NOX4: variants seen among roughly 807,000 people sequenced by gnomAD.
The protein encoded by NOX4 is kidney oxidase-1.
A neutral mutation model predicts 87.6 loss-of-function variants in NOX4; 69 were observed. That is an observed-to-expected ratio of 0.79 (90% CI 0.65 to 0.96). The LOEUF (loss-of-function observed/expected upper bound fraction) is 0.96, where lower values mean the gene tolerates loss of function less well. Ranked by LOEUF, NOX4 falls within the 40% of genes least tolerant of loss-of-function variation. The pLI, the probability that NOX4 is intolerant of heterozygous loss-of-function variation, is 0.00. For missense variants in NOX4, 680 were observed against 681.5 expected (o/e 1.00, Z 0.02); for synonymous variants, 275 against 238.2 (o/e 1.15, Z -1.42).
At chr11:89,380,553 A>C (rs963238197) in intron 11 of NOX4, among the ~76,000 whole-genome samples, 3 of 152,180 alleles carry the variant, frequency 2.0e-5, no homozygotes, top group African/African-American at 7.2e-5. Context: ...TTTGGTACTT[A>C]GGTAAAAACA....
At chr11:89,418,250 A>G (rs1227258583) in intron 8 of NOX4, among the ~76,000 whole-genome samples, 1 of 151,574 alleles carries the variant, frequency 6.6e-6, no homozygotes, top group Non-Finnish European at 1.5e-5. Flanking sequence ...GTTTGGTGTA[A>G]GTTTTAAAAG....
chr11:89,502,252 C>T (rs1475886897), upstream of NOX4, among the ~76,000 whole-genome samples: 2 of 151,968 alleles, frequency 1.3e-5, no homozygotes, highest in African/African-American at 4.8e-5. Context: ...CTAATAGAAC[C>T]CCACGAGTCT....
At chr11:89,537,560 T>C in the NOX4 span, among the ~76,000 whole-genome samples, 6 of 152,156 alleles carry the variant, frequency 3.9e-5, no homozygotes, top group South Asian at 2.1e-4. Context: ...TATCATAAGA[T>C]AGTTAAATTT....
At chr11:89,497,416 A>G (rs1342324684) in intron 1 of NOX4, among the ~76,000 whole-genome samples, 9 of 148,222 alleles carry the variant, frequency 6.1e-5, no homozygotes, top group Non-Finnish European at 1.3e-4. Context: ...AGTCTCACTC[A>G]CTTTCTGAAT....
upstream of NOX4, among the ~76,000 whole-genome samples, chr11:89,500,290 C>G (rs1351553760): frequency 2.0e-5 from 3 of 152,142 alleles, no homozygotes; most frequent in Non-Finnish European, 2.9e-5. Flanking sequence ...TTGATTCAGT[C>G]TCCTACAGAA....
At chr11:89,527,699 T>C in the NOX4 span, among the ~76,000 whole-genome samples, 1 of 152,186 alleles carries the variant, frequency 6.6e-6, no homozygotes, top group African/African-American at 2.4e-5. Context: ...CAAGAATTGA[T>C]GTTTGGGAAC....
At chr11:89,482,569 C>T (rs1946432822) in intron 2 of NOX4, among the ~76,000 whole-genome samples, 1 of 151,946 alleles carries the variant, frequency 6.6e-6, no homozygotes, top group Non-Finnish European at 1.5e-5. Flanking sequence ...AGAAACCAAC[C>T]CTGCTGACAC....
chr11:89,325,713 T>C lies in NOX4; in HGVS notation c.*1043A>G, dbSNP rs1374517654. The C allele has an allele frequency of 6.6e-6, 1 of 152,058 alleles. No individual in the cohort carries two copies. Among genetic ancestry groups the C allele is most frequent in the Non-Finnish European group, 1.5e-5 (1 of 68,020 alleles). 9.4% of individuals were successfully genotyped at this position (152,058 alleles called of 1,614,324 possible). On this transcript the variant is annotated 3_prime_UTR_variant, in exon 18 of 18. Transcript: ENST00000263317. Reference sequence around the variant, plus strand: ...ATAAACCAATGTGTGGCAAAGGAGATAAATCTTATATTCAGTCCCTACTGA... The same window carrying C: ...ATAAACCAATGTGTGGCAAAGGAGACAAATCTTATATTCAGTCCCTACTGA...
Position 89,490,499 on chromosome 11 carries a change from T to A in NOX4, c.112A>T (p.Asn38Tyr). 1 of 1,614,040 alleles carries A rather than the reference T, an allele frequency of 6.2e-7. No homozygotes were observed. The highest frequency in any genetic ancestry group is 1.1e-5 in the South Asian group (1 of 91,084). ...LLFWKTFLLYNQGPEYHYLHQ... is the reference protein window; with the variant it reads ...LLFWKTFLLYYQGPEYHYLHQ... ...AGGTAGTGATACTCTGGCCCTTGGT[T>A]ATACAGCAAGAAGGTTTTCCAGAAA... is the stretch of plus-strand genomic sequence containing the variant. The change falls in exon 2 of 18, where the codon AAC becomes TAC. Residue 38 changes from asparagine to tyrosine, a missense_variant. By Grantham distance (143) the Asn-to-Tyr change is moderately radical (BLOSUM62 -2). Coordinates refer to ENST00000263317, the MANE Select transcript of NOX4 (RefSeq NM_016931.5).
intron 4 of NOX4, among the ~76,000 whole-genome samples, chr11:89,446,069 C>T (rs1306204401): frequency 6.6e-6 from 1 of 151,976 alleles, no homozygotes; most frequent in African/African-American, 2.4e-5. Context: ...TCAATAGATA[C>T]CTCACCAAAG....
In NOX4 at chr11:89,467,841, A is replaced by C. The variant is rs145518402; in HGVS notation, c.154-15946T>G. Among the ~76,000 whole-genome samples, 5 of 152,310 alleles carry C rather than the reference A, an allele frequency of 3.3e-5. No individual in the cohort carries two copies. In the East Asian group the frequency reaches 9.7e-4, roughly 29 times the overall value. ...TTAGTATTTGGCGATGATTATTCTC[A>C]ATGAAGTGTGGACAACAGATGTTAA... On this transcript the variant is annotated intron_variant, in intron 2 of 17. Coordinates refer to ENST00000263317, the MANE Select transcript of NOX4 (RefSeq NM_016931.5).
the NOX4 span, among the ~76,000 whole-genome samples, chr11:89,508,824 AG>A: frequency 6.6e-6 from 1 of 152,080 alleles, no homozygotes; most frequent in Non-Finnish European, 1.5e-5. Context: ...TGAAAGGTGA[AG>A]CCACTTGTCA....
intron 17 of NOX4, among the ~76,000 whole-genome samples, chr11:89,328,272 A>G (rs1476717932): frequency 9.9e-5 from 15 of 152,216 alleles, no homozygotes. Context: ...TCAGAGATCA[A>G]CAGGACAAAT....
At chr11:89,437,783 C>T (rs572160680) in intron 6 of NOX4, among the ~76,000 whole-genome samples, 1 of 152,188 alleles carries the variant, frequency 6.6e-6, no homozygotes, top group Admixed American at 6.6e-5. Flanking sequence ...TTTTTACAGT[C>T]ATCCTTCAAT....
At chr11:89,506,301 A>AAGAGAAAGAG in the NOX4 span, among the ~76,000 whole-genome samples, 24 of 134,362 alleles carry the variant, frequency 1.8e-4, no homozygotes, top group Admixed American at 1.8e-3. Context: ...GAAAGAAAGA[A>AAGAGAAAGAG]AGAGAGAGAA....
At chr11:89,458,637 G>C (rs548671836) in intron 2 of NOX4, among the ~76,000 whole-genome samples, 6 of 151,962 alleles carry the variant, frequency 3.9e-5, no homozygotes, top group Non-Finnish European at 7.4e-5. Flanking sequence ...TAAAAAGTGG[G>C]GTAAGAACAT....
At chr11:89,471,052 G>C (rs17803976) in intron 2 of NOX4, among the ~76,000 whole-genome samples, 9,101 of 152,184 alleles carry the variant, frequency 0.06, 353 homozygotes, top group Middle Eastern at 0.085. Flanking sequence ...GTAAGGGCTT[G>C]CTAGGGCCCA....
At chr11:89,329,512 A>C (rs541327627) in intron 17 of NOX4, among the ~76,000 whole-genome samples, 112 of 151,686 alleles carry the variant, frequency 7.4e-4, no homozygotes, top group African/African-American at 2.6e-3. Flanking sequence ...ATTAAATCTC[A>C]AGGAGAATAA....
At chr11:89,531,797 G>A in the NOX4 span, among the ~76,000 whole-genome samples, 1 of 152,226 alleles carries the variant, frequency 6.6e-6, no homozygotes, top group Non-Finnish European at 1.5e-5. Context: ...AGAGGCCGAG[G>A]AGGGAAAAAC....
Sources: allele counts gnomAD v4.1 joint callset (sites outside exome capture counted in the v4.1 genomes callset), GRCh38; gene constraint gnomAD v4.1.1; transcripts MANE v1.5; gene names NCBI Gene and HGNC (gene_info 2026-07-23, HGNC 2026-07-21).